The following VPS13C variants were observed in gnomAD, a reference collection of about 807,000 sequenced individuals.
VPS13C encodes vacuolar protein sorting 13 homolog C, also known as intermembrane lipid transfer protein VPS13C.
VPS13C carries 358 observed loss-of-function variants against 456.8 expected under a neutral mutation model. That is an observed-to-expected ratio of 0.78 (90% CI 0.72 to 0.86). The LOEUF (loss-of-function observed/expected upper bound fraction) is 0.86. Ranked by LOEUF, VPS13C falls within the 40% of genes least tolerant of loss-of-function variation. The pLI is 0.00. For synonymous variants in VPS13C, 1,578 were observed against 1,486.7 expected, an observed-to-expected ratio of 1.06 and a Z score of -1.41; for missense variants, 4,818 against 4,385.4, an observed-to-expected ratio of 1.10 and a Z score of -2.79.
intron 52 of VPS13C, 44 bp downstream of exon 52, chr15:61,927,047 C>T: frequency 6.5e-7 from 1 of 1,532,730 alleles, no homozygotes; most frequent in Non-Finnish European, 9.0e-7. Context: ...TCAACTGTTT[C>T]TGCCATTCTT....
At chr15:61,882,827 AATCTTT>A (rs1473008759) in intron 68 of VPS13C, 91 bp from the exon 69 acceptor site, 140 of 1,345,532 alleles carry the variant, frequency 1.0e-4, no homozygotes, top group South Asian at 6.0e-4. Flanking sequence ...AAATTGAAAA[AATCTTT>A]ATCTTTATGT....
intron 2 of VPS13C, 25 bp downstream of exon 2, chr15:62,044,187 T>C (rs1347573504): frequency 4.1e-6 from 6 of 1,451,698 alleles, no homozygotes; most frequent in Middle Eastern, 1.8e-4. Context: ...AAGTGAGTTA[T>C]TAGCATAGTT....
At chr15:61,925,236 A>G (rs941220775) in intron 53 of VPS13C, among the ~76,000 whole-genome samples, 8 of 151,860 alleles carry the variant, frequency 5.3e-5, no homozygotes, top group South Asian at 2.1e-4. Context: ...TACCCTGATC[A>G]TTTGTAGATA....
rs1190387102 is a variant in VPS13C at position 61,979,586 on chromosome 15, G to A, written c.2167-837C>T. Among the ~76,000 whole-genome samples the A allele has an allele frequency of 3.9e-5, 6 of 152,194 alleles. No individual in the cohort carries two copies. In the East Asian group the frequency reaches 5.8e-4, roughly 15 times the overall value. On this transcript the variant is annotated intron_variant, in intron 22 of 84. Transcript: ENST00000644861. ...TTTTAAGAAAGGTCAAGACAATTTT[G>A]AAGATGAAGCCCACAGTGGCAGACC...
intron 32 of VPS13C, 51 bp from the exon 33 acceptor site, chr15:61,962,903 G>C: frequency 1.6e-6 from 2 of 1,270,394 alleles, no homozygotes; most frequent in Non-Finnish European, 2.2e-6. Flanking sequence ...CCATAAATAA[G>C]ATCTTTCTTT....
rs2045367114 is a variant in VPS13C at position 61,966,129 on chromosome 15, CCA to C, written c.3003_3004del (p.Asn1001LysfsTer3). On this transcript the variant is annotated frameshift_variant, in exon 30 of 85. Coordinates refer to ENST00000644861, the MANE Select transcript of VPS13C (RefSeq NM_020821.3). LOFTEE classifies it high-confidence loss of function. Reference sequence around the variant, plus strand: ...TCCAAAAGCAGTTTGAAAACTAGGTCCATTCTTATCAGCCTGAAAAAAGAAGT... The same window carrying C: ...TCCAAAAGCAGTTTGAAAACTAGGTCTTCTTATCAGCCTGAAAAAAGAAGT... 2 of 1,603,382 alleles carry C rather than the reference CCA, an allele frequency of 1.2e-6. No homozygotes were observed. The highest frequency in any genetic ancestry group is 1.7e-6 in the Non-Finnish European group (2 of 1,174,196).
At position 61,909,118 on chromosome 15, in the gene VPS13C, C is replaced by A; in HGVS notation, c.8852G>T (p.Gly2951Val). The part of the protein sequence containing the change: ...TLLSLEDLNG[G>V]ILVDVNTAEH... ...GGCAGTGTTTACATCCACCAAGATA[C>A]CCCCATTCTATTGTAGAAAAAAAAA... Residue 2951 changes from glycine to valine, a missense_variant, in exon 65 of 85, where the codon GGT becomes GTT. Transcript: ENST00000644861. 2 of 1,605,726 alleles carry A rather than the reference C, an allele frequency of 1.2e-6. No individual in the cohort carries two copies. The highest frequency in any genetic ancestry group is 1.7e-6 in the Non-Finnish European group (2 of 1,176,962).
chr15:62,013,034 A>G lies in VPS13C; in HGVS notation c.825+5T>C. 6.2e-7 allele frequency: 1 copy of G among 1,606,980 alleles called. No homozygotes were observed. Among genetic ancestry groups the G allele is most frequent in the African/African-American group, 1.3e-5 (1 of 74,822 alleles). ...TTAGCTCTTCCAAGTATACATTAAT[A>G]TTACCAAAATCTGTTCCCTTGATCT... On this transcript the variant is annotated splice_donor_5th_base_variant and intron_variant, in intron 11 of 84. Transcript: ENST00000644861.
At chr15:61,946,947 G>A (rs935562196) in intron 43 of VPS13C, among the ~76,000 whole-genome samples, 1 of 152,034 alleles carries the variant, frequency 6.6e-6, no homozygotes, top group African/African-American at 2.4e-5. Context: ...AGTTTCTAAA[G>A]GCATAATGAT....
intron 52 of VPS13C, 121 bp downstream of exon 52, chr15:61,926,970 A>G: frequency 1.1e-6 from 1 of 878,876 alleles, no homozygotes; most frequent in Non-Finnish European, 1.7e-6. Flanking sequence ...TATATGTAAA[A>G]CCCCAAGTTC....
At chr15:61,854,796 G>C in intron 84 of VPS13C, 75 bp downstream of exon 84, 2 of 1,297,658 alleles carry the variant, frequency 1.5e-6, no homozygotes, top group Non-Finnish European at 2.1e-6. Context: ...GAGAAATAAT[G>C]GTATTCATTA....
At chr15:61,951,127 G>A (rs990470903) in intron 39 of VPS13C, 103 bp from the exon 40 acceptor site, 1 of 646,526 alleles carries the variant, frequency 1.5e-6, no homozygotes, top group Non-Finnish European at 2.6e-6. Context: ...TCAAAACTCA[G>A]GACTGTACAC....
chr15:61,922,769 AAAAG>A lies in VPS13C; in HGVS notation c.6610-11_6610-8del. 1 of 1,552,004 alleles carries A rather than the reference AAAAG, an allele frequency of 6.4e-7. No homozygotes were observed. Among genetic ancestry groups the A allele is most frequent in the Non-Finnish European group, 8.7e-7 (1 of 1,155,416 alleles). ...TAAGAATTATGGGTGAAATCTTTAA[AAAAG>A]AAAGCAGAAAAATATTTATAATAAA... On this transcript the variant is annotated splice_polypyrimidine_tract_variant and splice_region_variant and intron_variant, in intron 53 of 84. Transcript: ENST00000644861.
intron 38 of VPS13C, 146 bp from the exon 39 acceptor site, chr15:61,952,126 G>T (rs2044821502): frequency 3.0e-6 from 3 of 995,430 alleles, no homozygotes; most frequent in Non-Finnish European, 2.8e-6. Flanking sequence ...CTGCAGTTTG[G>T]CATGATTCCC....
chr15:61,999,776 T>C (rs1201532813), intron 16 of VPS13C, among the ~76,000 whole-genome samples: 1 of 149,182 alleles, frequency 6.7e-6, no homozygotes, highest in African/African-American at 2.5e-5. Flanking sequence ...CAGTAGATCA[T>C]TTCCAATTTC....
intron 14 of VPS13C, 118 bp downstream of exon 14, chr15:62,008,537 C>G (rs980791757): frequency 1.8e-6 from 1 of 552,850 alleles, no homozygotes. Context: ...TTTTAATACT[C>G]TTGTCTCTTT....
At chr15:62,017,698 A>G (rs1275023335) in intron 9 of VPS13C, among the ~76,000 whole-genome samples, 1 of 152,140 alleles carries the variant, frequency 6.6e-6, no homozygotes, top group Non-Finnish European at 1.5e-5. Flanking sequence ...GCCTTGGAGT[A>G]TAGTTTGAAG....
chr15:61,927,986 G>C lies in VPS13C; in HGVS notation c.6287-666C>G, dbSNP rs919151983. Among the ~76,000 whole-genome samples, 65 of 144,780 alleles carry C rather than the reference G, an allele frequency of 4.5e-4. 1 individual carries two copies. Among genetic ancestry groups the C allele is most frequent in the African/African-American group, 1.5e-3 (57 of 39,188 alleles). 95.0% of individuals were successfully genotyped at this position (144,780 alleles called of 152,430 possible). A position where few individuals can be genotyped will look rare whatever the true frequency, so the allele number is the denominator to read the frequency against. ...ATGTTCTCACTCATAGGTGGGAACT[G>C]AACAATGAGAACACATGGACACAGG... On this transcript the variant is annotated intron_variant, in intron 51 of 84. Transcript: ENST00000644861.
At position 61,991,741 on chromosome 15, in the gene VPS13C, C is replaced by G; in HGVS notation, c.1415G>C (p.Gly472Ala). Residue 472 changes from glycine to alanine, a missense_variant, in exon 17 of 85, where the codon GGC (glycine) becomes GCC (alanine). By Grantham distance (60) the Gly-to-Ala change is moderately conservative. Transcript: ENST00000644861. ...CTTACCCCACAACCCACTAAACCAG[C>G]CTCCACGTTTCTCGCCTGTGTCAGC... ...KSADTGEKRG[G>A]WFSGLWGKKE... The G allele has an allele frequency of 6.2e-7, 1 of 1,613,578 alleles. No homozygotes were observed. Among genetic ancestry groups the G allele is most frequent in the Non-Finnish European group, 8.5e-7 (1 of 1,179,754 alleles).
Sources: gnomAD v4.1 joint callset for allele counts (sites outside exome capture counted in the v4.1 genomes callset) on GRCh38, gnomAD v4.1.1 for gene constraint, MANE v1.5 for transcripts, NCBI Gene and HGNC (gene_info 2026-07-23, HGNC 2026-07-21) for gene names.